Variants in POLR3B observed in about 807,000 individuals in gnomAD.
POLR3B encodes DNA-directed RNA polymerase III subunit RPC2.
Under a neutral mutation model 147.4 loss-of-function variants are expected in POLR3B, and 96 were observed. The observed-to-expected ratio is 0.65, with a 90% CI of 0.55 to 0.77. POLR3B has a LOEUF of 0.77. POLR3B is among the 30% of genes least tolerant of loss of function. The probability of loss-of-function intolerance (pLI) is 0.00; values close to 1 mark genes in which losing one functional copy is unlikely to be tolerated. For synonymous variants in POLR3B, 461 were observed against 485.9 expected, an observed-to-expected ratio of 0.95 and a Z score of 0.67; for missense variants, 1,036 against 1,413.5, an observed-to-expected ratio of 0.73 and a Z score of 4.28.
intron 19 of POLR3B, among the ~76,000 whole-genome samples, chr12:106,448,967 G>T (rs1432735518): frequency 6.6e-6 from 1 of 151,928 alleles, no homozygotes; most frequent in Non-Finnish European, 1.5e-5. Flanking sequence ...GCCTTTTCTG[G>T]TAGAATGTAA....
At chr12:106,385,947 T>C (rs1305202820) in intron 9 of POLR3B, among the ~76,000 whole-genome samples, 1 of 152,238 alleles carries the variant, frequency 6.6e-6, no homozygotes, top group African/African-American at 2.4e-5. Context: ...TTTCTTTCTT[T>C]ACGGTTTGCA....
intron 9 of POLR3B, among the ~76,000 whole-genome samples, chr12:106,383,743 G>A (rs1309234408): frequency 6.6e-6 from 1 of 152,134 alleles, no homozygotes; most frequent in African/African-American, 2.4e-5. Context: ...ACTTTGGGAG[G>A]CTGAGGCAGG....
intron 16 of POLR3B, among the ~76,000 whole-genome samples, chr12:106,436,298 C>T (rs1348375224): frequency 6.6e-6 from 1 of 152,138 alleles, no homozygotes; most frequent in African/African-American, 2.4e-5. Flanking sequence ...GTTTCAGTGC[C>T]GCATGCCATC....
At chr12:106,462,109 T>C (rs1316124443) in intron 22 of POLR3B, among the ~76,000 whole-genome samples, 1 of 152,238 alleles carries the variant, frequency 6.6e-6, no homozygotes, top group African/African-American at 2.4e-5. Flanking sequence ...TCCTGTCATC[T>C]TAGCAGCTCT....
chr12:106,500,424 AAGG>A (rs547560835), intron 25 of POLR3B, among the ~76,000 whole-genome samples: 141 of 152,302 alleles, frequency 9.3e-4, no homozygotes, highest in African/African-American at 3.2e-3. Context: ...CACCGTGACA[AAGG>A]AGACAAAGTG....
At chr12:106,477,967 C>G (rs549045292) in intron 23 of POLR3B, among the ~76,000 whole-genome samples, 7 of 123,306 alleles carry the variant, frequency 5.7e-5, no homozygotes, top group African/African-American at 1.9e-4. Flanking sequence ...TGCAGTGGCT[C>G]GATCTCAGCT....
At chr12:106,508,490 A>G (rs1295301965) in intron 27 of POLR3B, among the ~76,000 whole-genome samples, 1 of 152,186 alleles carries the variant, frequency 6.6e-6, no homozygotes, top group Non-Finnish European at 1.5e-5. Context: ...GTTAAGAGTC[A>G]GGATTTGTAC....
intron 1 of POLR3B, among the ~76,000 whole-genome samples, chr12:106,360,540 T>A (rs556815094): frequency 6.6e-6 from 1 of 152,308 alleles, no homozygotes; most frequent in African/African-American, 2.4e-5. Context: ...CCTTTTAAAT[T>A]GAGATATTAA....
At chr12:106,403,803 A>C (rs2037107954) in intron 10 of POLR3B, among the ~76,000 whole-genome samples, 3 of 95,114 alleles carry the variant, frequency 3.2e-5, no homozygotes, top group East Asian at 7.5e-4. Flanking sequence ...CACACCGGGG[A>C]CTGTTGTGGG....
At chr12:106,401,491 C>T (rs1378616792) in intron 10 of POLR3B, among the ~76,000 whole-genome samples, 1 of 152,204 alleles carries the variant, frequency 6.6e-6, no homozygotes, top group Admixed American at 6.5e-5. Context: ...ATACCAAAGC[C>T]TGGCAGAGCC....
rs1442624478 is a variant in POLR3B, at chr12:106,503,671, T to A, written c.3099-410T>A. Among the ~76,000 whole-genome samples the A allele has an allele frequency of 2.6e-5, 4 of 152,214 alleles. No individual in the cohort carries two copies. In the East Asian group the frequency reaches 7.7e-4, roughly 29 times the overall value. On this transcript the variant is annotated intron_variant, in intron 26 of 27. Transcript: ENST00000228347. ...GTCTATTCTGCTTAGTTTTTCTGCT[T>A]TTAAATAATAGAATACTGAGACTCT...
intron 23 of POLR3B, among the ~76,000 whole-genome samples, chr12:106,472,109 G>A (rs1157910463): frequency 3.9e-5 from 5 of 127,888 alleles, no homozygotes; most frequent in Admixed American, 2.4e-4. Context: ...GAGAATATGC[G>A]GTGTTTGGTT....
At position 106,509,445 on chromosome 12, in the gene POLR3B, C is replaced by T; in HGVS notation, c.3298C>T (p.His1100Tyr). The change falls in exon 28 of 28, where the codon CAC (histidine) becomes TAC (tyrosine). Residue 1100 changes from histidine to tyrosine, a missense_variant. By Grantham distance (83) the His-to-Tyr change is moderately conservative. Transcript: ENST00000228347. Reference protein sequence around the residue: ...GWCHYCKSSCHVSSLRIPYAC... With the variant: ...GWCHYCKSSCYVSSLRIPYAC... ...GTGCCATTACTGCAAGTCATCCTGC[C>T]ACGTGTCTTCCCTCCGTATTCCGTA... 6.2e-7 allele frequency: 1 copy of T among 1,613,870 alleles called. No homozygotes were observed. The highest frequency in any genetic ancestry group is 8.5e-7 in the Non-Finnish European group (1 of 1,179,820).
chr12:106,463,385 C>T (rs2037965299), intron 22 of POLR3B, 93 bp from the exon 23 acceptor site: 2 of 1,112,312 alleles, frequency 1.8e-6, no homozygotes, highest in Non-Finnish European at 2.7e-6. Context: ...TCAGAATACT[C>T]TATGGTAGGC....
At chr12:106,467,080 A>T (rs541292642) in intron 23 of POLR3B, among the ~76,000 whole-genome samples, 1 of 152,304 alleles carries the variant, frequency 6.6e-6, no homozygotes, top group South Asian at 2.1e-4. Flanking sequence ...CTTCTTATCC[A>T]TGAGCATGGA....
chr12:106,418,145 G>C (rs2037330966), intron 12 of POLR3B, among the ~76,000 whole-genome samples: 1 of 152,096 alleles, frequency 6.6e-6, no homozygotes, highest in African/African-American at 2.4e-5. Flanking sequence ...GGGTTGGCAG[G>C]CCAGCCGCCA....
At chr12:106,393,737 G>C (rs188776317) in intron 10 of POLR3B, among the ~76,000 whole-genome samples, 5 of 146,874 alleles carry the variant, frequency 3.4e-5, no homozygotes, top group African/African-American at 7.5e-5. Flanking sequence ...GGGAATTTTA[G>C]GGCAAGACTC....
intron 10 of POLR3B, among the ~76,000 whole-genome samples, chr12:106,401,020 A>G (rs1403119655): frequency 1.3e-5 from 2 of 152,220 alleles, no homozygotes; most frequent in Admixed American, 1.3e-4. Flanking sequence ...CCCTTCAAAA[A>G]CTCAATGAAT....
At chr12:106,368,535 TA>T (rs200473340) in intron 4 of POLR3B, among the ~76,000 whole-genome samples, 1 of 151,964 alleles carries the variant, frequency 6.6e-6, no homozygotes, top group East Asian at 1.9e-4. Context: ...CTGCAAAATT[TA>T]AAAAAAAATT....
Sources: allele counts gnomAD v4.1 joint callset (sites outside exome capture counted in the v4.1 genomes callset), GRCh38; gene constraint gnomAD v4.1.1; transcripts MANE v1.5; gene names NCBI Gene and HGNC (gene_info 2026-07-23, HGNC 2026-07-21).